AKAP6: variants seen among roughly 807,000 people sequenced by gnomAD.
AKAP6 encodes A-kinase anchor protein 6.
A neutral mutation model predicts 188.5 loss-of-function variants in AKAP6; 58 were observed. That is an observed-to-expected ratio of 0.31 (90% CI 0.25 to 0.38). The LOEUF (loss-of-function observed/expected upper bound fraction) is 0.38, where lower values mean the gene tolerates loss of function less well. AKAP6 is among the 10% of genes least tolerant of loss of function. The probability of loss-of-function intolerance (pLI) is 1.00; values close to 1 mark genes in which losing one functional copy is unlikely to be tolerated. For missense variants in AKAP6, 2,710 were observed against 2,740.0 expected (o/e 0.99, Z 0.24); for synonymous variants, 989 against 998.6 (o/e 0.99, Z 0.18).
rs546873464 is a variant in AKAP6, at chr14:32,768,044, C to A, written c.3373-5634C>A. 1.4e-4 allele frequency among the ~76,000 whole-genome samples: 21 copies of A among 152,254 alleles called. 1 individual carries two copies. Among genetic ancestry groups the A allele is most frequent in the Middle Eastern group, 3.4e-3 (1 of 294 alleles). On this transcript the variant is annotated intron_variant, in intron 11 of 13. Transcript: ENST00000280979. ...TGCCTCTTATCCACCAACACTAATT[C>A]CATAATGAAAAGTATAAAGTTTGGC... is the stretch of plus-strand genomic sequence containing the variant.
At chr14:32,777,860 A>C (rs761714292) in intron 12 of AKAP6, among the ~76,000 whole-genome samples, 7 of 152,118 alleles carry the variant, frequency 4.6e-5, no homozygotes, top group Admixed American at 1.3e-4. Context: ...CAACATAGCA[A>C]GACCTCATTT....
chr14:32,740,569 C>T (rs1409395046), intron 11 of AKAP6, among the ~76,000 whole-genome samples: 3 of 151,980 alleles, frequency 2.0e-5, no homozygotes, highest in Non-Finnish European at 2.9e-5. Context: ...AGGTAGGGGT[C>T]TAGTTTCATC....
At chr14:32,782,183 AAGGGAGGGAGGG>A (rs553132400) in intron 12 of AKAP6, among the ~76,000 whole-genome samples, 18 of 121,416 alleles carry the variant, frequency 1.5e-4, no homozygotes, top group African/African-American at 4.0e-4. Flanking sequence ...GAAAGAAAGG[AAGGGAGGGAGGG>A]AGGGAGGGAG....
At chr14:32,345,272 C>T (rs1040373174) in intron 1 of AKAP6, among the ~76,000 whole-genome samples, 1 of 152,156 alleles carries the variant, frequency 6.6e-6, no homozygotes, top group African/African-American at 2.4e-5. Flanking sequence ...AATGCTGTAT[C>T]TAGTTAACTT....
intron 1 of AKAP6, among the ~76,000 whole-genome samples, chr14:32,344,777 G>A (rs1474262600): frequency 6.6e-6 from 1 of 152,098 alleles, no homozygotes; most frequent in Non-Finnish European, 1.5e-5. Context: ...TTAGCTGGGT[G>A]TGGTGGCATA....
intron 7 of AKAP6, among the ~76,000 whole-genome samples, chr14:32,615,885 C>T (rs986728333): frequency 5.3e-5 from 8 of 152,230 alleles, no homozygotes; most frequent in Admixed American, 1.3e-4. Context: ...TGAGCCACCG[C>T]GCCCAGCCTA....
At chr14:32,547,939 T>C (rs553504826) in intron 4 of AKAP6, among the ~76,000 whole-genome samples, 2 of 152,226 alleles carry the variant, frequency 1.3e-5, no homozygotes, top group South Asian at 2.1e-4. Context: ...CTATGATTAC[T>C]GTGGTAATGG....
chr14:32,363,082 CACAGAATTT>C (rs990798720), intron 1 of AKAP6, among the ~76,000 whole-genome samples: 67 of 152,292 alleles, frequency 4.4e-4, no homozygotes, highest in African/African-American at 1.5e-3. Flanking sequence ...ATGTTCCCCT[CACAGAATTT>C]ACTGCCCTAA....
intron 8 of AKAP6, among the ~76,000 whole-genome samples, chr14:32,684,894 A>G (rs1217405323): frequency 6.6e-6 from 1 of 152,190 alleles, no homozygotes; most frequent in Non-Finnish European, 1.5e-5. Context: ...TGAAAAAGAT[A>G]CGTAAGACTT....
chr14:32,614,967 G>A (rs1181939459), intron 7 of AKAP6, among the ~76,000 whole-genome samples: 4 of 151,734 alleles, frequency 2.6e-5, no homozygotes, highest in South Asian at 2.1e-4. Context: ...TCAAGAGATC[G>A]AGACCATCCT....
At chr14:32,829,769 G>T in intron 13 of AKAP6, 79 bp from the exon 14 acceptor site, 1 of 619,166 alleles carries the variant, frequency 1.6e-6, no homozygotes, top group South Asian at 1.9e-5. Flanking sequence ...AGCCTTCAAT[G>T]GTTCCTCAAA....
At chr14:32,595,332 C>G (rs987919326) in intron 5 of AKAP6, among the ~76,000 whole-genome samples, 1 of 152,098 alleles carries the variant, frequency 6.6e-6, no homozygotes, top group Non-Finnish European at 1.5e-5. Flanking sequence ...CCCAGCCACA[C>G]TGAGCTGCTT....
rs766145207 is a variant in AKAP6, at chr14:32,797,073, A to G, written c.3588+23180A>G. Among the ~76,000 whole-genome samples the G allele has an allele frequency of 6.6e-5, 10 of 152,218 alleles. No homozygotes were observed. In the East Asian group the frequency reaches 1.9e-3, roughly 29 times the overall value. On this transcript the variant is annotated intron_variant, in intron 12 of 13. Transcript: ENST00000280979. ...TAGAGAAATGCAAATCAAAACCACA[A>G]TGAGATACCATCTCACGCCAGTCAG...
intron 1 of AKAP6, among the ~76,000 whole-genome samples, chr14:32,415,604 C>T (rs1252509284): frequency 2.0e-5 from 3 of 152,108 alleles, no homozygotes; most frequent in African/African-American, 2.4e-5. Context: ...TTCATCGTAT[C>T]GTGCAGCCAT....
chr14:32,615,890 A>G (rs1594784739), intron 7 of AKAP6, among the ~76,000 whole-genome samples: 1 of 152,088 alleles, frequency 6.6e-6, no homozygotes, highest in African/African-American at 2.4e-5. Flanking sequence ...CACCGCGCCC[A>G]GCCTAAACCA....
chr14:32,789,844 A>G (rs1434466419), intron 12 of AKAP6, among the ~76,000 whole-genome samples: 1 of 152,212 alleles, frequency 6.6e-6, no homozygotes, highest in East Asian at 1.9e-4. Flanking sequence ...CTCTCCAGCA[A>G]GGGCACAGAA....
chr14:32,354,519 G>C (rs1887413990), intron 1 of AKAP6, among the ~76,000 whole-genome samples: 1 of 152,142 alleles, frequency 6.6e-6, no homozygotes, highest in Non-Finnish European at 1.5e-5. Context: ...AGCGACAATG[G>C]TAATTTCTTT....
chr14:32,649,082 A>T (rs1311043779), intron 7 of AKAP6, among the ~76,000 whole-genome samples: 2 of 152,162 alleles, frequency 1.3e-5, no homozygotes, highest in African/African-American at 4.8e-5. Flanking sequence ...TGAAAGAACC[A>T]GTCTTCGGGT....
chr14:32,467,573 A>G (rs767993935), intron 2 of AKAP6, among the ~76,000 whole-genome samples: 1 of 152,108 alleles, frequency 6.6e-6, no homozygotes, highest in African/African-American at 2.4e-5. Context: ...GCCCCAGGAC[A>G]TGGAACTAAA....
Sources: gnomAD v4.1 joint callset for allele counts (sites outside exome capture counted in the v4.1 genomes callset) on GRCh38, gnomAD v4.1.1 for gene constraint, MANE v1.5 for transcripts, NCBI Gene and HGNC (gene_info 2026-07-23, HGNC 2026-07-21) for gene names.